The following CENPW variants were observed in gnomAD, a reference collection of about 807,000 sequenced individuals.
CENPW encodes centromere protein W.
CENPW carries 3 observed loss-of-function variants against 11.1 expected under a neutral mutation model. That is an observed-to-expected ratio of 0.27 (90% CI 0.12 to 0.70). The LOEUF (loss-of-function observed/expected upper bound fraction) is 0.70. CENPW is among the 30% of genes least tolerant of loss of function. The pLI, the probability that CENPW is intolerant of heterozygous loss-of-function variation, is 0.77. For synonymous variants in CENPW, 38 were observed against 42.0 expected (o/e 0.91, Z 0.37); for missense variants, 100 against 105.6 (o/e 0.95, Z 0.23).
chr6:126,437,681 A>G, the CENPW span, among the ~76,000 whole-genome samples: 1 of 151,936 alleles, frequency 6.6e-6, no homozygotes, highest in Non-Finnish European at 1.5e-5. Context: ...AAGTTGCCAT[A>G]ACAATTTTAA....
At chr6:126,413,081 A>G in the CENPW span, among the ~76,000 whole-genome samples, 2 of 152,112 alleles carry the variant, frequency 1.3e-5, no homozygotes, top group Non-Finnish European at 2.9e-5. Flanking sequence ...TTCTGTAGAG[A>G]GGTTTCCAGA....
the CENPW span, among the ~76,000 whole-genome samples, chr6:126,460,544 C>T: frequency 6.6e-6 from 1 of 151,716 alleles, no homozygotes; most frequent in Non-Finnish European, 1.5e-5. Flanking sequence ...TTAAAAGTGC[C>T]ATGATTCTCC....
At chr6:126,463,146 T>C in the CENPW span, among the ~76,000 whole-genome samples, 1 of 152,014 alleles carries the variant, frequency 6.6e-6, no homozygotes, top group African/African-American at 2.4e-5. Context: ...TTATGTTAAA[T>C]TACATGATCT....
chr6:126,382,813 G>A, the CENPW span, among the ~76,000 whole-genome samples: 1 of 152,162 alleles, frequency 6.6e-6, no homozygotes, highest in Admixed American at 6.5e-5. Context: ...CAACTCCTTT[G>A]TGCCTCTGAA....
At chr6:126,469,169 A>G in the CENPW span, among the ~76,000 whole-genome samples, 1 of 152,136 alleles carries the variant, frequency 6.6e-6, no homozygotes, top group Non-Finnish European at 1.5e-5. Context: ...TTGAATTTTA[A>G]TCCCCACATG....
chr6:126,423,765 A>G, the CENPW span, among the ~76,000 whole-genome samples: 1 of 152,002 alleles, frequency 6.6e-6, no homozygotes. Flanking sequence ...CACCCTGAAG[A>G]AATATGTATT....
downstream of CENPW, among the ~76,000 whole-genome samples, chr6:126,352,533 G>A (rs1381459222): frequency 3.3e-5 from 5 of 152,130 alleles, no homozygotes; most frequent in African/African-American, 1.2e-4. Context: ...AATCCATGTT[G>A]CTTGTATTTC....
the CENPW span, among the ~76,000 whole-genome samples, chr6:126,451,119 T>TTAA: frequency 6.6e-6 from 1 of 151,046 alleles, no homozygotes; most frequent in African/African-American, 2.4e-5. Flanking sequence ...TTGAATGGGA[T>TTAA]TAATATTAGG....
intron 1 of CENPW, among the ~76,000 whole-genome samples, chr6:126,343,504 T>C (rs1348727958): frequency 8.5e-5 from 13 of 152,152 alleles, no homozygotes. Context: ...CAATAGGCCA[T>C]CTGCAAGCTG....
the CENPW span, among the ~76,000 whole-genome samples, chr6:126,368,570 A>G: frequency 0.032 from 4,901 of 151,098 alleles, 119 homozygotes; most frequent in Non-Finnish European, 0.046. Context: ...GTTTGGTTAC[A>G]TGAATAAATT....
chr6:126,451,400 C>T, the CENPW span, among the ~76,000 whole-genome samples: 7 of 151,178 alleles, frequency 4.6e-5, no homozygotes, highest in East Asian at 3.9e-4. Context: ...CTGGCCTGAA[C>T]GTACATCCTG....
At chr6:126,382,385 T>C in the CENPW span, among the ~76,000 whole-genome samples, 1 of 151,692 alleles carries the variant, frequency 6.6e-6, no homozygotes, top group African/African-American at 2.4e-5. Flanking sequence ...AAAGCCAGAG[T>C]TCCTTCTTTC....
the CENPW span, among the ~76,000 whole-genome samples, chr6:126,370,940 G>C: frequency 1.3e-5 from 2 of 151,748 alleles, no homozygotes; most frequent in African/African-American, 2.4e-5. Flanking sequence ...GTGTGTGTGT[G>C]TTTTTTTAGT....
intron 2 of CENPW, among the ~76,000 whole-genome samples, chr6:126,347,476 A>G (rs1780432107): frequency 6.6e-6 from 1 of 152,178 alleles, no homozygotes; most frequent in African/African-American, 2.4e-5. Context: ...AGTACATAAT[A>G]TACTCAGCGT....
chr6:126,384,903 C>A, the CENPW span, among the ~76,000 whole-genome samples: 1 of 151,816 alleles, frequency 6.6e-6, no homozygotes, highest in African/African-American at 2.4e-5. Context: ...CTATAAGGAA[C>A]TTAAATTTAC....
At chr6:126,436,001 G>C in the CENPW span, among the ~76,000 whole-genome samples, 5 of 151,772 alleles carry the variant, frequency 3.3e-5, no homozygotes, top group Non-Finnish European at 7.4e-5. Flanking sequence ...ATTGCATACA[G>C]TCAATTGAGA....
chr6:126,420,622 A>G, the CENPW span, among the ~76,000 whole-genome samples: 1 of 152,132 alleles, frequency 6.6e-6, no homozygotes, highest in African/African-American at 2.4e-5. Context: ...TTGGTCTTTT[A>G]GGGAAGAAGA....
At chr6:126,436,077 G>A in the CENPW span, among the ~76,000 whole-genome samples, 6 of 151,772 alleles carry the variant, frequency 4.0e-5, no homozygotes, top group African/African-American at 1.4e-4. Flanking sequence ...TAGGTAAGAA[G>A]GTTTATAATG....
chr6:126,482,918 T>C, the CENPW span, among the ~76,000 whole-genome samples: 6 of 151,980 alleles, frequency 3.9e-5, no homozygotes, highest in African/African-American at 1.4e-4. Flanking sequence ...ATTATGTTGA[T>C]TTGAGGGAGA....
Sources: allele counts gnomAD v4.1 joint callset (sites outside exome capture counted in the v4.1 genomes callset), GRCh38; gene constraint gnomAD v4.1.1; transcripts MANE v1.5; gene names NCBI Gene and HGNC (gene_info 2026-07-23, HGNC 2026-07-21).